NBAS: variants seen among roughly 807,000 people sequenced by gnomAD.
The protein encoded by NBAS is NBAS subunit of NRZ tethering complex, also known as NAG/BC035112 fusion.
NBAS carries 219 observed loss-of-function variants against 302.5 expected under a neutral mutation model. The ratio of observed to expected loss-of-function variants is 0.72; its 90% CI spans 0.65 to 0.81. NBAS has a LOEUF of 0.81. Among genes scored for constraint, NBAS ranks in the 30% least tolerant of loss-of-function variants. NBAS has a pLI of 0.00. For synonymous variants in NBAS, 1,118 were observed against 1,021.6 expected, an observed-to-expected ratio of 1.09 and a Z score of -1.80; for missense variants, 2,932 against 2,841.6, an observed-to-expected ratio of 1.03 and a Z score of -0.72.
intron 51 of NBAS, among the ~76,000 whole-genome samples, chr2:15,172,164 G>A (rs975557506): frequency 6.6e-6 from 1 of 152,232 alleles, no homozygotes; most frequent in Non-Finnish European, 1.5e-5. Context: ...AGCTTTAGGT[G>A]TTAATATTTT....
At chr2:15,260,214 GATTTT>G (rs1668785985) in intron 44 of NBAS, among the ~76,000 whole-genome samples, 1 of 152,130 alleles carries the variant, frequency 6.6e-6, no homozygotes, top group Non-Finnish European at 1.5e-5. Context: ...GTAATCAGGT[GATTTT>G]AATTTAGCTA....
At chr2:14,846,282 C>G in the NBAS span, among the ~76,000 whole-genome samples, 1 of 152,010 alleles carries the variant, frequency 6.6e-6, no homozygotes, top group East Asian at 1.9e-4. Flanking sequence ...GAAACAGAAA[C>G]TTATAGAAAA....
the NBAS span, among the ~76,000 whole-genome samples, chr2:15,135,823 G>C: frequency 3.3e-5 from 5 of 149,736 alleles, no homozygotes; most frequent in Admixed American, 3.3e-4. Context: ...GAATTGTCTT[G>C]GGCCACACAT....
intron 21 of NBAS, among the ~76,000 whole-genome samples, chr2:15,458,879 C>CG (rs5829505): frequency 0.62 from 94,795 of 151,982 alleles, 30,327 homozygotes; most frequent in Middle Eastern, 0.68. Context: ...TGAAAACAAG[C>CG]TAACTTAAGA....
chr2:15,278,625 G>T (rs1047126230), intron 42 of NBAS, among the ~76,000 whole-genome samples: 9 of 152,148 alleles, frequency 5.9e-5, no homozygotes, highest in African/African-American at 2.2e-4. Context: ...CTATGTACAA[G>T]GCACTGTGCT....
At chr2:15,225,970 G>A (rs1033160374) in intron 47 of NBAS, among the ~76,000 whole-genome samples, 2 of 152,162 alleles carry the variant, frequency 1.3e-5, no homozygotes, top group Non-Finnish European at 2.9e-5. Context: ...GGTATCACTT[G>A]GGAGCTGGTT....
chr2:15,044,156 A>G, the NBAS span, among the ~76,000 whole-genome samples: 1 of 152,118 alleles, frequency 6.6e-6, no homozygotes, highest in African/African-American at 2.4e-5. Flanking sequence ...TAAATATACA[A>G]TTTAGACAAT....
chr2:15,364,748 A>C (rs965194553), intron 32 of NBAS, among the ~76,000 whole-genome samples: 1 of 152,114 alleles, frequency 6.6e-6, no homozygotes, highest in Non-Finnish European at 1.5e-5. Flanking sequence ...ACATGTGAGT[A>C]ATGCAGCCTT....
At chr2:15,225,819 C>T (rs536777574) in intron 47 of NBAS, among the ~76,000 whole-genome samples, 6 of 152,176 alleles carry the variant, frequency 3.9e-5, no homozygotes, top group Admixed American at 6.5e-5. Flanking sequence ...TACTGGCTCA[C>T]GCTTGTGGGA....
chr2:15,134,933 T>G, the NBAS span, among the ~76,000 whole-genome samples: 1 of 152,206 alleles, frequency 6.6e-6, no homozygotes, highest in Non-Finnish European at 1.5e-5. Context: ...CTACCAGGTT[T>G]GCTTTTTATG....
At chr2:14,785,995 C>T in the NBAS span, among the ~76,000 whole-genome samples, 1 of 152,148 alleles carries the variant, frequency 6.6e-6, no homozygotes, top group African/African-American at 2.4e-5. Flanking sequence ...GCCTCAATTT[C>T]AGAGCCTGTT....
At chr2:15,000,655 GA>G in the NBAS span, among the ~76,000 whole-genome samples, 1 of 152,210 alleles carries the variant, frequency 6.6e-6, no homozygotes, top group Non-Finnish European at 1.5e-5. Flanking sequence ...AAGAAATTGT[GA>G]AGGAGCTGGT....
At chr2:15,427,628 T>C (rs1677543429) in intron 22 of NBAS, 83 bp downstream of exon 22, 8 of 1,157,788 alleles carry the variant, frequency 6.9e-6, no homozygotes, top group South Asian at 2.6e-5. Flanking sequence ...TAAGGTTTCA[T>C]TGGTCAGACA....
chr2:15,173,919 G>A (rs763514656), intron 51 of NBAS, among the ~76,000 whole-genome samples: 6 of 152,070 alleles, frequency 3.9e-5, no homozygotes, highest in Admixed American at 6.5e-5. Context: ...ATATTTTATC[G>A]CATCTTTACA....
chr2:15,171,003 A>C (rs574933360), intron 51 of NBAS, among the ~76,000 whole-genome samples: 6 of 152,206 alleles, frequency 3.9e-5, no homozygotes, highest in Non-Finnish European at 8.8e-5. Flanking sequence ...GTTAAGCCTC[A>C]AGTTGTCTTT....
At chr2:15,441,112 T>C (rs1390511412) in intron 21 of NBAS, among the ~76,000 whole-genome samples, 2 of 152,084 alleles carry the variant, frequency 1.3e-5, no homozygotes, top group African/African-American at 4.8e-5. Context: ...ACTTCCCCAA[T>C]CTAGCAAGGC....
intron 12 of NBAS, among the ~76,000 whole-genome samples, chr2:15,487,213 G>A (rs907848808): frequency 6.6e-6 from 1 of 152,096 alleles, no homozygotes; most frequent in Admixed American, 6.5e-5. Context: ...CCTCTCAAAC[G>A]AAAACAGCTG....
At chr2:15,444,320 A>G (rs796664817) in intron 21 of NBAS, among the ~76,000 whole-genome samples, 1 of 152,220 alleles carries the variant, frequency 6.6e-6, no homozygotes, top group South Asian at 2.1e-4. Flanking sequence ...AGATCAATGG[A>G]ACAGAACACA....
At chr2:15,485,240 G>C (rs1680574943) in intron 12 of NBAS, among the ~76,000 whole-genome samples, 1 of 151,970 alleles carries the variant, frequency 6.6e-6, no homozygotes, top group African/African-American at 2.4e-5. Flanking sequence ...AAAAGGATTT[G>C]TCTCTGTGTT....
Sources: gnomAD v4.1 joint callset for allele counts (sites outside exome capture counted in the v4.1 genomes callset) on GRCh38, gnomAD v4.1.1 for gene constraint, MANE v1.5 for transcripts, NCBI Gene and HGNC (gene_info 2026-07-23, HGNC 2026-07-21) for gene names.